Variants in CSMD3 observed in about 807,000 individuals in gnomAD.
CSMD3 encodes CUB and Sushi multiple domains 3.
In CSMD3, 177 loss-of-function variants were observed where a neutral mutation model predicts 435.2. The observed-to-expected ratio is 0.41, with a 90% CI of 0.36 to 0.46. The LOEUF is 0.46. Among genes scored for constraint, CSMD3 ranks in the 20% least tolerant of loss-of-function variants. The pLI, the probability that CSMD3 is intolerant of heterozygous loss-of-function variation, is 0.34. For missense variants in CSMD3, 4,265 were observed against 4,504.6 expected, an observed-to-expected ratio of 0.95 and a Z score of 1.52; for synonymous variants, 1,656 against 1,520.5, an observed-to-expected ratio of 1.09 and a Z score of -2.07.
At chr8:112,628,923 G>C (rs1008149857) in intron 22 of CSMD3, among the ~76,000 whole-genome samples, 3 of 152,042 alleles carry the variant, frequency 2.0e-5, no homozygotes, top group African/African-American at 7.2e-5. Flanking sequence ...TTTATCTTAA[G>C]GGCAGTGGAA....
intron 24 of CSMD3, among the ~76,000 whole-genome samples, chr8:112,558,383 C>T (rs1315701439): frequency 6.6e-6 from 1 of 151,922 alleles, no homozygotes; most frequent in South Asian, 2.1e-4. Context: ...AACAAACAGG[C>T]TTGCTGGGTT....
intron 5 of CSMD3, among the ~76,000 whole-genome samples, chr8:113,094,711 A>C (rs532523412): frequency 6.6e-6 from 1 of 152,308 alleles, no homozygotes; most frequent in South Asian, 2.1e-4. Context: ...GAAAAGACAA[A>C]TATTTAAGGT....
chr8:113,318,767 T>C lies in CSMD3; in HGVS notation c.179-3974A>G, dbSNP rs546163095. Among the ~76,000 whole-genome samples, 4 of 145,048 alleles carry C rather than the reference T, an allele frequency of 2.8e-5. No homozygotes were observed. In the East Asian group the frequency reaches 8.0e-4, roughly 29 times the overall value. The stretch of plus-strand genomic sequence containing the variant: ...GGTTGTAGCACATGGTGGGATTTCC[T>C]CTTTTAAGGCTGAATAAGATGTGTG... On this transcript the variant is annotated intron_variant, in intron 1 of 70. Coordinates refer to ENST00000297405, the MANE Select transcript of CSMD3 (RefSeq NM_198123.2).
chr8:113,188,612 G>A (rs2092541976), intron 3 of CSMD3, among the ~76,000 whole-genome samples: 1 of 151,948 alleles, frequency 6.6e-6, no homozygotes, highest in Admixed American at 6.6e-5. Context: ...CCTCCCTACA[G>A]GGATAATTCT....
At chr8:112,792,965 A>G (rs1318825478) in intron 13 of CSMD3, among the ~76,000 whole-genome samples, 1 of 151,836 alleles carries the variant, frequency 6.6e-6, no homozygotes, top group Non-Finnish European at 1.5e-5. Context: ...TTGAGTGATG[A>G]GAAACAATTG....
intron 9 of CSMD3, among the ~76,000 whole-genome samples, chr8:112,933,423 C>A (rs542750481): frequency 4.6e-5 from 7 of 152,164 alleles, no homozygotes; most frequent in Admixed American, 3.3e-4. Context: ...TACAATATAC[C>A]TTACCATGAT....
chr8:112,394,318 C>T (rs1161951889), intron 35 of CSMD3, among the ~76,000 whole-genome samples: 1 of 152,162 alleles, frequency 6.6e-6, no homozygotes, highest in Non-Finnish European at 1.5e-5. Flanking sequence ...TACTTTTCCC[C>T]TCCATTACCT....
chr8:112,664,450 A>G (rs1474157008), intron 17 of CSMD3, among the ~76,000 whole-genome samples: 5 of 152,188 alleles, frequency 3.3e-5, no homozygotes, highest in Admixed American at 6.5e-5. Flanking sequence ...GCTTTCTAAA[A>G]TTGCTATGGC....
chr8:112,408,795 T>G (rs1586226453), intron 33 of CSMD3, 124 bp downstream of exon 33: 9 of 1,466,920 alleles, frequency 6.1e-6, no homozygotes, highest in Admixed American at 4.3e-5. Context: ...AAAAAAAAGG[T>G]GACACTATTT....
At chr8:113,209,364 G>C (rs1319183538) in intron 3 of CSMD3, among the ~76,000 whole-genome samples, 1 of 152,080 alleles carries the variant, frequency 6.6e-6, no homozygotes, top group Non-Finnish European at 1.5e-5. Flanking sequence ...TTAAAGGTAT[G>C]AGTCATTCCA....
chr8:112,343,001 T>TTATATA (rs34740069), intron 41 of CSMD3, among the ~76,000 whole-genome samples: 8,038 of 109,458 alleles, frequency 0.073, 628 homozygotes, highest in African/African-American at 0.2. Context: ...ATATATATAT[T>TTATATA]TATATATATA....
rs539140356 is a variant in CSMD3, at chr8:113,237,110, C to A, written c.514+41482G>T. Among the ~76,000 whole-genome samples, 31 of 152,220 alleles carry A rather than the reference C, an allele frequency of 2.0e-4. No homozygotes were observed. In the South Asian group the frequency reaches 5.0e-3, roughly 24 times the overall value. On this transcript the variant is annotated intron_variant, in intron 3 of 70. Coordinates refer to ENST00000297405, the MANE Select transcript of CSMD3 (RefSeq NM_198123.2). ...ATTCAAAATTGGTCTGTATATTATT[C>A]CCTCATCCCTTTTGTCCAAATCATT...
rs1459567053 is a variant in CSMD3, at chr8:113,141,344, A to G, written c.709+32378T>C. On this transcript the variant is annotated intron_variant, in intron 4 of 70. Transcript: ENST00000297405. ...TTTTATTAAGATAGTATCTTTTGAT[A>G]TCAAACTAGAAAAAAACTATGCCAA... 2.0e-5 allele frequency among the ~76,000 whole-genome samples: 3 copies of G among 150,910 alleles called. No individual in the cohort carries two copies. The East Asian group carries it at 5.9e-4, about 29-fold the overall frequency.
chr8:112,673,938 C>CT (rs111706194), intron 16 of CSMD3, among the ~76,000 whole-genome samples: 2,672 of 148,248 alleles, frequency 0.018, 71 homozygotes, highest in African/African-American at 0.061. Context: ...AAACAGAAGA[C>CT]TTTTTTTTTT....
At chr8:113,201,464 T>A (rs1564420158) in intron 3 of CSMD3, among the ~76,000 whole-genome samples, 1 of 151,986 alleles carries the variant, frequency 6.6e-6, no homozygotes, top group African/African-American at 2.4e-5. Context: ...ACATTAAAAC[T>A]TGAGTTAAAG....
At chr8:113,383,517 G>C (rs766088324) in intron 1 of CSMD3, among the ~76,000 whole-genome samples, 4 of 152,040 alleles carry the variant, frequency 2.6e-5, no homozygotes, top group Non-Finnish European at 5.9e-5. Context: ...AGACACATCT[G>C]GTCTATAAAG....
At chr8:112,514,093 A>G (rs1459745375) in intron 28 of CSMD3, among the ~76,000 whole-genome samples, 2 of 152,134 alleles carry the variant, frequency 1.3e-5, no homozygotes, top group African/African-American at 2.4e-5. Context: ...AGGTCTTACT[A>G]TGTTGCCCAG....
At chr8:112,447,943 C>G (rs1045060494) in intron 32 of CSMD3, among the ~76,000 whole-genome samples, 4 of 152,082 alleles carry the variant, frequency 2.6e-5, no homozygotes, top group African/African-American at 9.7e-5. Context: ...CCCAGCATAC[C>G]TGTGTATGTC....
Position 112,247,087 on chromosome 8 carries a change from GAGA to G in CSMD3, c.10152_10154del (p.Leu3385del). On this transcript the variant is annotated inframe_deletion, in exon 64 of 71. Coordinates refer to ENST00000297405, the MANE Select transcript of CSMD3 (RefSeq NM_198123.2). ...GGCAGGTGCGTGTTGTAGACCCTTG[GAGA>G]AGGTGTCCTTTTTTGCAATGGAACT... is the stretch of plus-strand genomic sequence containing the variant. 1 of 1,613,822 alleles carries G rather than the reference GAGA, an allele frequency of 6.2e-7. No homozygotes were observed.
Sources: allele counts gnomAD v4.1 joint callset (sites outside exome capture counted in the v4.1 genomes callset), GRCh38; gene constraint gnomAD v4.1.1; transcripts MANE v1.5; gene names NCBI Gene and HGNC (gene_info 2026-07-23, HGNC 2026-07-21).